STPG2: variants seen among roughly 807,000 people sequenced by gnomAD.
STPG2 encodes the protein sperm-tail PG-rich repeat-containing protein 2.
STPG2 carries 56 observed loss-of-function variants against 54.2 expected under a neutral mutation model. That is an observed-to-expected ratio of 1.03 (90% CI 0.83 to 1.29). The LOEUF is 1.29. Among genes scored for constraint, STPG2 ranks in the 50% most tolerant of loss-of-function variants. STPG2 has a pLI of 0.00. For synonymous variants in STPG2, 200 were observed against 181.8 expected (o/e 1.10, Z -0.81); for missense variants, 596 against 544.9 (o/e 1.09, Z -0.93).
intron 9 of STPG2, among the ~76,000 whole-genome samples, chr4:97,766,098 G>A (rs1007479924): frequency 5.3e-5 from 8 of 152,000 alleles, no homozygotes; most frequent in Admixed American, 5.2e-4. Flanking sequence ...TGGTTTAAGA[G>A]GATTCAAATA....
chr4:97,920,115 T>C (rs556746971), intron 8 of STPG2, among the ~76,000 whole-genome samples: 6 of 152,270 alleles, frequency 3.9e-5, no homozygotes, highest in Admixed American at 6.5e-5. Context: ...TGGTGCCAAT[T>C]GAGAGACAAA....
chr4:98,122,119 T>C (rs1739697568), intron 3 of STPG2, among the ~76,000 whole-genome samples: 1 of 152,096 alleles, frequency 6.6e-6, no homozygotes, highest in Non-Finnish European at 1.5e-5. Context: ...TTGGGCTTTC[T>C]AGATGTAGAA....
chr4:97,919,024 T>C (rs147570769), intron 8 of STPG2, among the ~76,000 whole-genome samples: 36 of 152,168 alleles, frequency 2.4e-4, no homozygotes, highest in Non-Finnish European at 3.7e-4. Context: ...ATGCTCTACT[T>C]CAATCATGGA....
At chr4:98,133,067 A>G (rs1478305017) in intron 2 of STPG2, among the ~76,000 whole-genome samples, 1 of 151,962 alleles carries the variant, frequency 6.6e-6, no homozygotes. Context: ...TCCAGAAAAA[A>G]TTATAAAGAC....
chr4:97,784,622 CAGT>C (rs1378027985), intron 9 of STPG2, among the ~76,000 whole-genome samples: 1 of 151,866 alleles, frequency 6.6e-6, no homozygotes, highest in Non-Finnish European at 1.5e-5. Flanking sequence ...TATATTGAAT[CAGT>C]AGGAATACAG....
chr4:98,099,931 T>C (rs1011502107), intron 5 of STPG2, among the ~76,000 whole-genome samples: 1 of 152,136 alleles, frequency 6.6e-6, no homozygotes, highest in African/African-American at 2.4e-5. Context: ...GGATAAATGC[T>C]TAAGGAGACG....
At chr4:97,474,586 G>A (rs1730026382) in intron 4 of STPG2, among the ~76,000 whole-genome samples, 1 of 152,140 alleles carries the variant, frequency 6.6e-6, no homozygotes, top group African/African-American at 2.4e-5. Flanking sequence ...TCAGGGACAA[G>A]GAAGATGGTT....
intron 5 of STPG2, among the ~76,000 whole-genome samples, chr4:98,018,870 T>G (rs944684804): frequency 4.7e-5 from 7 of 148,538 alleles, no homozygotes; most frequent in Non-Finnish European, 8.9e-5. Flanking sequence ...GGGTTGTTTG[T>G]TTTTTTTTTG....
intron 9 of STPG2, among the ~76,000 whole-genome samples, chr4:97,840,120 A>G (rs1425612177): frequency 6.6e-6 from 1 of 151,690 alleles, no homozygotes; most frequent in Non-Finnish European, 1.5e-5. Flanking sequence ...TTGGAATTGT[A>G]AATGCTCAAA....
intron 10 of STPG2, among the ~76,000 whole-genome samples, chr4:97,601,894 A>G (rs558244574): frequency 6.6e-6 from 1 of 152,046 alleles, no homozygotes; most frequent in South Asian, 2.1e-4. Flanking sequence ...GAAACTTGAG[A>G]ATCTTCCTAC....
chr4:97,781,656 T>C (rs1226577658), intron 9 of STPG2, among the ~76,000 whole-genome samples: 2 of 152,184 alleles, frequency 1.3e-5, no homozygotes, highest in East Asian at 3.8e-4. Flanking sequence ...CCAATATCCC[T>C]GATGAACATC....
intron 5 of STPG2, among the ~76,000 whole-genome samples, chr4:98,045,905 G>A (rs2149310345): frequency 1.3e-5 from 1 of 77,820 alleles, no homozygotes; most frequent in South Asian, 4.3e-4. Flanking sequence ...CCTAGGTTTG[G>A]AAATTTTTCA....
chr4:97,506,673 T>G (rs1730851775), intron 4 of STPG2, among the ~76,000 whole-genome samples: 2 of 152,050 alleles, frequency 1.3e-5, no homozygotes, highest in South Asian at 4.1e-4. Flanking sequence ...TATTCTAAAC[T>G]CTTAGAATTG....
intron 10 of STPG2, among the ~76,000 whole-genome samples, chr4:97,616,230 T>C (rs1733871874): frequency 6.6e-6 from 1 of 150,950 alleles, no homozygotes; most frequent in Admixed American, 6.6e-5. Flanking sequence ...ATGATTAAAA[T>C]ATCCAATGTT....
chr4:97,875,156 G>A (rs545342645), intron 8 of STPG2, among the ~76,000 whole-genome samples: 4 of 151,948 alleles, frequency 2.6e-5, no homozygotes, highest in African/African-American at 4.8e-5. Context: ...TGCCATAAAC[G>A]TTCACCTAGA....
intron 9 of STPG2, among the ~76,000 whole-genome samples, chr4:97,813,676 T>A (rs1036648311): frequency 4.0e-4 from 14 of 34,874 alleles, no homozygotes; most frequent in African/African-American, 1.7e-3. Context: ...ACCCTGTCTC[T>A]TAAAAAAAAA....
At chr4:97,773,994 G>GGTGTGT (rs34968031) in intron 9 of STPG2, among the ~76,000 whole-genome samples, 24,598 of 147,180 alleles carry the variant, frequency 0.17, 2,381 homozygotes, top group Non-Finnish European at 0.24. Flanking sequence ...TAAAATATAG[G>GGTGTGT]GTGTGTGTGT....
At chr4:98,130,921 C>CAAAAAAAAAAAAA (rs34206321) in intron 2 of STPG2, among the ~76,000 whole-genome samples, 1 of 41,554 alleles carries the variant, frequency 2.4e-5, no homozygotes, top group Non-Finnish European at 4.4e-5. Context: ...GACTCCGTCT[C>CAAAAAAAAAAAAA]AAAAAAAAAA....
chr4:97,905,101 G>A (rs1731352778), intron 8 of STPG2, among the ~76,000 whole-genome samples: 1 of 151,774 alleles, frequency 6.6e-6, no homozygotes, highest in Non-Finnish European at 1.5e-5. Context: ...AGGAAGTACA[G>A]AGAACGCCAC....
Sources: allele counts gnomAD v4.1 joint callset (sites outside exome capture counted in the v4.1 genomes callset), GRCh38; gene constraint gnomAD v4.1.1; transcripts MANE v1.5; gene names NCBI Gene and HGNC (gene_info 2026-07-23, HGNC 2026-07-21).